SLIT1: variants seen among roughly 807,000 people sequenced by gnomAD.
SLIT1 encodes the protein slit homolog 1 protein.
SLIT1 carries 66 observed loss-of-function variants against 186.1 expected under a neutral mutation model. That is an observed-to-expected ratio of 0.35 (90% confidence interval 0.29 to 0.44). SLIT1 has a LOEUF of 0.44. Ranked by LOEUF, SLIT1 falls within the 20% of genes least tolerant of loss-of-function variation. The pLI is 1.00. For synonymous variants in SLIT1, 761 were observed against 833.8 expected (o/e 0.91, Z 1.50); for missense variants, 1,638 against 2,037.4 (o/e 0.80, Z 3.77).
chr10:97,097,505 T>C (rs1324649167), intron 4 of SLIT1, among the ~76,000 whole-genome samples: 1 of 152,234 alleles, frequency 6.6e-6, no homozygotes, highest in Non-Finnish European at 1.5e-5. Flanking sequence ...ACGATGCTTC[T>C]GTGGGAGGAA....
intron 13 of SLIT1, among the ~76,000 whole-genome samples, chr10:97,050,551 TC>T (rs1338986831): frequency 6.6e-6 from 1 of 152,216 alleles, no homozygotes; most frequent in East Asian, 1.9e-4. Flanking sequence ...AACATTCATT[TC>T]CCCTTTTAAA....
Position 97,030,824 on chromosome 10 carries a change from G to A in SLIT1, c.2515C>T (p.Leu839Phe), listed in dbSNP as rs1848584031. Residue 839 changes from leucine (L) to phenylalanine (F), a missense_variant, in exon 25 of 37, where the codon CTC (leucine) becomes TTC (phenylalanine). Transcript: ENST00000266058. ...AGGGTGGAGATGTCATTGCCGTGGA[G>A]AGACCTGAGAAGGGAAGAGGCTGCT... ...QGLRSLRLLS[L>F]HGNDISTLQE... 1 of 1,613,916 alleles carries A rather than the reference G, an allele frequency of 6.2e-7. No homozygotes were observed. The highest frequency in any genetic ancestry group is 2.2e-5 in the East Asian group (1 of 44,882).
intron 4 of SLIT1, among the ~76,000 whole-genome samples, chr10:97,113,464 C>T (rs1589398709): frequency 6.6e-6 from 1 of 152,048 alleles, no homozygotes; most frequent in East Asian, 1.9e-4. Flanking sequence ...TCTTAAACTC[C>T]TGACCTCAGG....
At chr10:97,013,942 T>A (rs1268078394) in intron 29 of SLIT1, 77 bp downstream of exon 29, 57 of 1,577,860 alleles carry the variant, frequency 3.6e-5, no homozygotes, top group Non-Finnish European at 4.9e-5. Context: ...GGGATCCCCT[T>A]CCACTCCCGA....
At chr10:97,150,262 T>C (rs1240043117) in intron 4 of SLIT1, among the ~76,000 whole-genome samples, 1 of 152,202 alleles carries the variant, frequency 6.6e-6, no homozygotes, top group African/African-American at 2.4e-5. Context: ...GAGGTCACCT[T>C]CTTGCCTTGG....
At chr10:97,087,405 C>G (rs1849174293) in intron 4 of SLIT1, among the ~76,000 whole-genome samples, 1 of 152,226 alleles carries the variant, frequency 6.6e-6, no homozygotes, top group African/African-American at 2.4e-5. Flanking sequence ...GTCACCAGGG[C>G]CCTCCCCCGT....
At chr10:97,169,955 A>G (rs982262303) in intron 1 of SLIT1, among the ~76,000 whole-genome samples, 1 of 152,242 alleles carries the variant, frequency 6.6e-6, no homozygotes, top group African/African-American at 2.4e-5. Context: ...CTACGTCACA[A>G]GTCCTCATGT....
At chr10:97,147,977 C>G (rs1849836115) in intron 4 of SLIT1, among the ~76,000 whole-genome samples, 1 of 152,218 alleles carries the variant, frequency 6.6e-6, no homozygotes, top group South Asian at 2.1e-4. Context: ...TGAGCAGTCT[C>G]TTTCTTCTTG....
At position 97,047,810 on chromosome 10, in the gene SLIT1, C is replaced by A. The variant is rs775514716; in HGVS notation, c.1514G>T (p.Ser505Ile). Residue 505 changes from serine to isoleucine, a missense_variant, in exon 16 of 37, where the codon AGC (serine) becomes ATC (isoleucine). Transcript: ENST00000266058. ...ACAGACCACGTCGCTGTTGCACTCG[C>A]TGTTCAGCTGGTAATCCTCCGTGCC... The part of the protein sequence containing the change: ...IPGTEDYQLN[S>I]ECNSDVVCPH... The A allele has an allele frequency of 3.1e-6, 5 of 1,614,090 alleles. No homozygotes were observed. Among genetic ancestry groups the A allele is most frequent in the Non-Finnish European group, 3.4e-6 (4 of 1,179,994 alleles).
intron 1 of SLIT1, among the ~76,000 whole-genome samples, chr10:97,181,511 G>A (rs1850337890): frequency 2.0e-5 from 3 of 152,322 alleles, no homozygotes; most frequent in Middle Eastern, 3.4e-3. Context: ...ATGGAGATAG[G>A]GCAGGGTGGA....
At chr10:97,023,262 C>T (rs185356055) in intron 25 of SLIT1, among the ~76,000 whole-genome samples, 7 of 144,136 alleles carry the variant, frequency 4.9e-5, no homozygotes, top group Non-Finnish European at 1.1e-4. Flanking sequence ...ATGGAGGTGT[C>T]GCCAAGTTGG....
chr10:97,042,940 G>C lies in SLIT1; in HGVS notation c.2125C>G (p.Leu709Val). The stretch of plus-strand genomic sequence containing the variant: ...AAGTCAGGGAAGGCCACGTCCTGCA[G>C]GGGAATCTGCCGCAAAAAGTCAGGG... ...QNPDFLRQIP[L>V]QDVAFPDFRC... The change falls in exon 20 of 37, where the codon CTG becomes GTG. Residue 709 changes from leucine to valine, a missense_variant. Coordinates refer to ENST00000266058, the MANE Select transcript of SLIT1 (RefSeq NM_003061.3). 1 of 1,614,244 alleles carries C rather than the reference G, an allele frequency of 6.2e-7. No individual in the cohort carries two copies. The highest frequency in any genetic ancestry group is 8.5e-7 in the Non-Finnish European group (1 of 1,180,044).
intron 21 of SLIT1, among the ~76,000 whole-genome samples, chr10:97,038,215 C>T (rs1264438552): frequency 6.6e-6 from 1 of 152,184 alleles, no homozygotes; most frequent in African/African-American, 2.4e-5. Flanking sequence ...AACCAGTTCC[C>T]CCTCATTCCA....
Position 97,006,775 on chromosome 10 carries a change from T to TC in SLIT1, c.3342-56dup. On this transcript the variant is annotated intron_variant, in intron 31 of 36. Transcript: ENST00000266058. The surrounding 1 kb of genome is among the most constrained non-coding windows in gnomAD (Gnocchi z 4.0). ...GCCAAGGAGGAAGGGAGTATCTTCCTCTCCCACAGCCCTGGAGAGAAATTC... is the reference window on the plus strand; with the variant it reads ...GCCAAGGAGGAAGGGAGTATCTTCCTCCTCCCACAGCCCTGGAGAGAAATTC... 1 of 1,203,692 alleles carries TC rather than the reference T, an allele frequency of 8.3e-7. No individual in the cohort carries two copies. Among genetic ancestry groups the TC allele is most frequent in the Non-Finnish European group, 1.2e-6 (1 of 814,644 alleles). The allele number at this position is 1,203,692 out of a possible 1,614,324, so 74.6% of individuals were successfully genotyped here. A position where few individuals can be genotyped will look rare whatever the true frequency, so the allele number is the denominator to read the frequency against.
intron 4 of SLIT1, among the ~76,000 whole-genome samples, chr10:97,141,698 T>TATC (rs1258734619): frequency 2.1e-5 from 2 of 95,846 alleles, no homozygotes; most frequent in East Asian, 2.9e-4. Flanking sequence ...TATCGTATCG[T>TATC]ATCGTATTGT....
chr10:97,047,342 C>T (rs1289099511), intron 16 of SLIT1, among the ~76,000 whole-genome samples: 1 of 152,226 alleles, frequency 6.6e-6, no homozygotes, highest in South Asian at 2.1e-4. Context: ...TACACAAATT[C>T]ATATTTTTAG....
chr10:97,083,416 T>C lies in SLIT1; in HGVS notation c.414-17330A>G, dbSNP rs139729050. Among the ~76,000 whole-genome samples, 855 of 152,130 alleles carry C rather than the reference T, an allele frequency of 5.6e-3. 9 individuals are homozygous for C. Among genetic ancestry groups the C allele is most frequent in the African/African-American group, 0.019 (804 of 41,498 alleles). ...AAGTGTGTGGGGAGGCTTCTGGAAG[T>C]GTATGTATGTCGGCAGTGACACTTG... On this transcript the variant is annotated intron_variant, in intron 4 of 36. Coordinates refer to ENST00000266058, the MANE Select transcript of SLIT1 (RefSeq NM_003061.3).
intron 4 of SLIT1, among the ~76,000 whole-genome samples, chr10:97,074,280 A>G (rs772109641): frequency 6.6e-6 from 1 of 152,196 alleles, no homozygotes; most frequent in Admixed American, 6.5e-5. Flanking sequence ...TCCTTACATG[A>G]GTCCTCTGCT....
At chr10:97,126,540 G>A (rs912850584) in intron 4 of SLIT1, among the ~76,000 whole-genome samples, 2 of 152,200 alleles carry the variant, frequency 1.3e-5, no homozygotes, top group African/African-American at 2.4e-5. Flanking sequence ...TTTACCTGAT[G>A]AACCAACTTC....
Sources: gnomAD v4.1 joint callset for allele counts (sites outside exome capture counted in the v4.1 genomes callset) on GRCh38, gnomAD v4.1.1 for gene constraint, Gnocchi (gnomAD v3.1) non-coding constraint, MANE v1.5 for transcripts, NCBI Gene and HGNC (gene_info 2026-07-23, HGNC 2026-07-21) for gene names.